VPS37B: variants seen among roughly 807,000 people sequenced by gnomAD.
The protein encoded by VPS37B is VPS37B subunit of ESCRT-I.
In VPS37B, 11 loss-of-function variants were observed where a neutral mutation model predicts 21.2. That is an observed-to-expected ratio of 0.52 (90% confidence interval 0.33 to 0.86). The LOEUF (loss-of-function observed/expected upper bound fraction) is 0.86, where lower values mean the gene tolerates loss of function less well. VPS37B is among the 40% of genes least tolerant of loss of function. The probability of loss-of-function intolerance (pLI) is 0.03; values close to 1 mark genes in which losing one functional copy is unlikely to be tolerated. For synonymous variants in VPS37B, 175 were observed against 159.6 expected, an observed-to-expected ratio of 1.10 and a Z score of -0.73; for missense variants, 389 against 374.8, an observed-to-expected ratio of 1.04 and a Z score of -0.31.
At chr12:122,891,469 C>A (rs1237982011) in intron 1 of VPS37B, among the ~76,000 whole-genome samples, 1 of 152,174 alleles carries the variant, frequency 6.6e-6, no homozygotes, top group Non-Finnish European at 1.5e-5. Flanking sequence ...TCCGTGCTTT[C>A]CATGAAATCT....
Position 122,870,923 on chromosome 12 carries a change from A to G in VPS37B, c.250T>C (p.Phe84Leu). 1 of 1,614,126 alleles carries G rather than the reference A, an allele frequency of 6.2e-7. No individual in the cohort carries two copies. The highest frequency in any genetic ancestry group is 8.5e-7 in the Non-Finnish European group (1 of 1,180,002). The change falls in exon 2 of 4, where the codon TTT becomes CTT. Residue 84 changes from phenylalanine (F) to leucine (L), a missense_variant. Phe to Leu is a conservative substitution (Grantham distance 22). Transcript: ENST00000267202. ...GTCTTCTTTATCTGATAGGCTTCAA[A>G]GAGAACCTGGAGTTCCTGGTATTTC... ...TQKYQELQVLFEAYQIKKTKL... is the reference protein window; with the variant it reads ...TQKYQELQVLLEAYQIKKTKL...
chr12:122,873,959 T>A (rs1253485161), intron 1 of VPS37B: 1 of 151,934 alleles, frequency 6.6e-6, no homozygotes, highest in Admixed American at 6.6e-5. Context: ...ATAAGGGAGG[T>A]AACAAAACTG....
At position 122,867,638 on chromosome 12, in the gene VPS37B, C is replaced by T. The variant is rs1427472204; in HGVS notation, c.367-31G>A. On this transcript the variant is annotated intron_variant, in intron 3 of 3. Coordinates refer to ENST00000267202, the MANE Select transcript of VPS37B (RefSeq NM_024667.3). The surrounding 1 kb of genome is among the most constrained non-coding windows in gnomAD (Gnocchi z 5.5). Reference sequence around the variant, plus strand: ...AGAGGCAGAAACCTGGTTACAGGGACAGCCAGATGGGGAGGATGCTCCCTT... The same window carrying T: ...AGAGGCAGAAACCTGGTTACAGGGATAGCCAGATGGGGAGGATGCTCCCTT... 10 of 1,606,358 alleles carry T rather than the reference C, an allele frequency of 6.2e-6. No homozygotes were observed. The highest frequency in any genetic ancestry group is 8.5e-6 in the Non-Finnish European group (10 of 1,179,884).
rs139634602 is a variant in VPS37B at position 122,892,503 on chromosome 12, TAA to T, written c.111+3447_111+3448del. Among the ~76,000 whole-genome samples, 128 of 143,482 alleles carry T rather than the reference TAA, an allele frequency of 8.9e-4. 1 individual carries two copies. The highest frequency in any genetic ancestry group is 1.1e-3 in the Admixed American group (16 of 14,470). 94.1% of individuals were successfully genotyped at this position (143,482 alleles called of 152,430 possible). On this transcript the variant is annotated intron_variant, in intron 1 of 3. Coordinates refer to ENST00000267202, the MANE Select transcript of VPS37B (RefSeq NM_024667.3). ...ATTTAAAACACTTCCTTCTGCCAAT[TAA>T]AAAAAAAAAAAAAGAAATCCTTTGG...
In VPS37B at chr12:122,868,911, AC is replaced by A. The variant is rs942814650; in HGVS notation, c.284-350del. Among the ~76,000 whole-genome samples the A allele has an allele frequency of 2.0e-5, 3 of 151,666 alleles. No homozygotes were observed. The highest frequency in any genetic ancestry group is 7.3e-5 in the African/African-American group (3 of 41,222). ...TCCACGTGTTTAACCGCCAACCACC[AC>A]CCCCCAGATCCAGACACAGAACCTT... On this transcript the variant is annotated intron_variant, in intron 2 of 3. Coordinates refer to ENST00000267202, the MANE Select transcript of VPS37B (RefSeq NM_024667.3). The surrounding 1 kb of genome is among the most constrained non-coding windows in gnomAD (Gnocchi z 5.5).
chr12:122,867,259 G>A lies in VPS37B; in HGVS notation c.715C>T (p.Gln239Ter), dbSNP rs963427677. 9 of 1,555,976 alleles carry A rather than the reference G, an allele frequency of 5.8e-6. No individual in the cohort carries two copies. The African/African-American group carries it at 1.1e-4, about 19-fold the overall frequency. Reference sequence around the variant, plus strand: ...ACGCGGGGGGGCAGGGGCGGGCACTGTAATCCTGGGTACGGCACGGCCTGT... The same window carrying A: ...ACGCGGGGGGGCAGGGGCGGGCACTATAATCCTGGGTACGGCACGGCCTGT... ...SGQAVPYPGLQCPPLPPRVGL... is the reference protein window; with the variant it reads ...SGQAVPYPGL Residue 239 changes from glutamine (Q) to a stop codon, truncating the protein, a stop_gained, in exon 4 of 4, where the codon CAG (glutamine) becomes TAG (stop). Coordinates refer to ENST00000267202, the MANE Select transcript of VPS37B (RefSeq NM_024667.3). LOFTEE classifies it high-confidence loss of function. The surrounding 1 kb of genome is among the most constrained non-coding windows in gnomAD (Gnocchi z 5.5).
At chr12:122,870,241 C>G (rs1049649541) in intron 2 of VPS37B, 1 of 152,156 alleles carries the variant, frequency 6.6e-6, no homozygotes, top group Non-Finnish European at 1.5e-5. Flanking sequence ...AATCTCCAGC[C>G]CCTTTTCTGG....
intron 1 of VPS37B, among the ~76,000 whole-genome samples, chr12:122,893,339 A>G (rs1366048846): frequency 2.0e-5 from 3 of 152,198 alleles, no homozygotes; most frequent in Admixed American, 6.5e-5. Flanking sequence ...TCCTTTTCCA[A>G]CAGATACTCA....
In VPS37B at chr12:122,895,977, G is replaced by A. The variant is rs200520065; in HGVS notation, c.86C>T (p.Thr29Met). The A allele has an allele frequency of 1.1e-4, 181 of 1,609,292 alleles. No homozygotes were observed. The highest frequency in any genetic ancestry group is 8.1e-5 in the African/African-American group (6 of 73,972). Residue 29 changes from threonine to methionine, a missense_variant, in exon 1 of 4, where the codon ACG becomes ATG. Thr to Met is a moderately conservative substitution (Grantham distance 81). Coordinates refer to ENST00000267202, the MANE Select transcript of VPS37B (RefSeq NM_024667.3). ...NELLEDEGQL[T>M]EMVQKMEETQ... ...CTCCTCCATCTTCTGCACCATCTCC[G>A]TCAGCTGGCCCTCGTCCTCCAGCAG...
At chr12:122,873,883 G>A (rs1010245182) in intron 1 of VPS37B, 1 of 152,108 alleles carries the variant, frequency 6.6e-6, no homozygotes, top group African/African-American at 2.4e-5. Context: ...AAGATCTGCT[G>A]AATGAATCAG....
chr12:122,877,330 A>G lies in VPS37B; in HGVS notation c.112-6269T>C, dbSNP rs1302291921. On this transcript the variant is annotated intron_variant, in intron 1 of 3. Coordinates refer to ENST00000267202, the MANE Select transcript of VPS37B (RefSeq NM_024667.3). The stretch of plus-strand genomic sequence containing the variant: ...CACCTACAGCATTCTCAGAAGGCAT[A>G]GTATTTATGCAAAGTAAATAAATCA... The G allele has an allele frequency of 4.6e-5, 7 of 152,244 alleles. No individual in the cohort carries two copies. The East Asian group carries it at 1.3e-3, about 29-fold the overall frequency. 9.4% of individuals were successfully genotyped at this position (152,244 alleles called of 1,614,324 possible). A position where few individuals can be genotyped will look rare whatever the true frequency, so the allele number is the denominator to read the frequency against.
At chr12:122,894,150 A>T (rs868283792) in intron 1 of VPS37B, among the ~76,000 whole-genome samples, 17 of 152,244 alleles carry the variant, frequency 1.1e-4, no homozygotes, top group African/African-American at 3.4e-4. Flanking sequence ...CTGACAATCA[A>T]CAAAAGGTCT....
In VPS37B at chr12:122,872,691, C is replaced by A. The variant is rs116642711; in HGVS notation, c.112-1630G>T. The A allele has an allele frequency of 2.6e-3, 2,528 of 985,426 alleles. 49 individuals carry two copies. The African/African-American group carries it at 0.041, about 16-fold the overall frequency. 61.0% of individuals were successfully genotyped at this position (985,426 alleles called of 1,614,324 possible). ...AGTCATTTAAAAGAACAAACAAAAACCACTGTATGGCCACTCTGGAAAACA... is the reference window on the plus strand; with the variant it reads ...AGTCATTTAAAAGAACAAACAAAAAACACTGTATGGCCACTCTGGAAAACA... On this transcript the variant is annotated intron_variant, in intron 1 of 3. Transcript: ENST00000267202.
At position 122,867,077 on chromosome 12, in the gene VPS37B, C is replaced by T; in HGVS notation, c.*39G>A. On this transcript the variant is annotated 3_prime_UTR_variant, in exon 4 of 4. Coordinates refer to ENST00000267202, the MANE Select transcript of VPS37B (RefSeq NM_024667.3). The surrounding 1 kb of genome is among the most constrained non-coding windows in gnomAD (Gnocchi z 5.5). ...TTCCCGTGAGCAGAGCACAACACGC[C>T]AGGTGGAAGAAGTCTCCCGGGAAGG... 2 of 1,487,506 alleles carry T rather than the reference C, an allele frequency of 1.3e-6. No homozygotes were observed. The highest frequency in any genetic ancestry group is 2.4e-4 in the Middle Eastern group (1 of 4,084). The allele number at this position is 1,487,506 out of a possible 1,614,324, so 92.1% of individuals were successfully genotyped here. A position where few individuals can be genotyped will look rare whatever the true frequency, so the allele number is the denominator to read the frequency against.
chr12:122,867,454 C>T lies in VPS37B; in HGVS notation c.520G>A (p.Ala174Thr). 1 of 1,613,610 alleles carries T rather than the reference C, an allele frequency of 6.2e-7. No individual in the cohort carries two copies. The highest frequency in any genetic ancestry group is 8.5e-7 in the Non-Finnish European group (1 of 1,179,936). ...LKGQRLPQAL[A>T]PLPPRLPELA... ...TCGGGCAGCCTGGGGGGCAGCGGGG[C>T]CAGGGCCTGTGGGAGTCTCTGCCCC... Residue 174 changes from alanine to threonine, a missense_variant, in exon 4 of 4, where the codon GCC (alanine) becomes ACC (threonine). Physicochemically the swap from Ala to Thr is moderately conservative, Grantham distance 58. Transcript: ENST00000267202. This position sits in a 1 kb window ranked among gnomAD's most constrained non-coding sequence, Gnocchi z 5.5.
chr12:122,872,855 C>A, intron 1 of VPS37B: 6 of 272,108 alleles, frequency 2.2e-5, no homozygotes, highest in Non-Finnish European at 3.4e-5. Flanking sequence ...TTATTTGTAA[C>A]AACTAAAATC....
intron 1 of VPS37B, chr12:122,889,567 A>AT (rs1249395384): frequency 6.6e-6 from 1 of 152,302 alleles, no homozygotes; most frequent in African/African-American, 2.4e-5. Context: ...TACTAAAAAT[A>AT]CAAAATTAGC....
intron 1 of VPS37B, chr12:122,883,453 G>C (rs1459961913): frequency 6.6e-6 from 1 of 152,194 alleles, no homozygotes; most frequent in Non-Finnish European, 1.5e-5. Context: ...CTTACCAGGA[G>C]AGGGTTTGGT....
At chr12:122,888,426 C>T in intron 1 of VPS37B, 2 of 383,570 alleles carry the variant, frequency 5.2e-6, no homozygotes, top group South Asian at 3.7e-5. Context: ...AGGAAATAAA[C>T]CAACGAGAAC....
Sources: allele counts gnomAD v4.1 joint callset (sites outside exome capture counted in the v4.1 genomes callset), GRCh38; gene constraint gnomAD v4.1.1; non-coding constraint Gnocchi (gnomAD v3.1); transcripts MANE v1.5; gene names NCBI Gene and HGNC (gene_info 2026-07-23, HGNC 2026-07-21).